GRAMD1B: variants seen among roughly 807,000 people sequenced by gnomAD.
The protein encoded by GRAMD1B is protein Aster-B.
In GRAMD1B, 37 loss-of-function variants were observed where a neutral mutation model predicts 99.7. The ratio of observed to expected loss-of-function variants is 0.37; its 90% CI spans 0.29 to 0.49. The LOEUF is 0.49. GRAMD1B is among the 20% of genes least tolerant of loss of function. The pLI is 0.98. For synonymous variants in GRAMD1B, 427 were observed against 387.6 expected, an observed-to-expected ratio of 1.10 and a Z score of -1.19; for missense variants, 888 against 1,009.2, an observed-to-expected ratio of 0.88 and a Z score of 1.63.
At chr11:123,428,927 C>T (rs1194802149), upstream of GRAMD1B, among the ~76,000 whole-genome samples, 1 of 152,188 alleles carries the variant, frequency 6.6e-6, no homozygotes, top group Non-Finnish European at 1.5e-5. Context: ...CATGGTGGCT[C>T]ATGCCTGTAA....
At chr11:123,600,606 G>T (rs929558159) in intron 8 of GRAMD1B, 58 bp downstream of exon 8, 10 of 1,069,232 alleles carry the variant, frequency 9.4e-6, no homozygotes, top group Middle Eastern at 4.0e-4. Flanking sequence ...AGAAGCCTTT[G>T]TCTCCTCAGG....
intron 17 of GRAMD1B, chr11:123,618,377 C>T: frequency 1.2e-6 from 2 of 1,609,012 alleles, no homozygotes; most frequent in Non-Finnish European, 1.7e-6. Flanking sequence ...TATGATTTCT[C>T]CTTTACCCCC....
chr11:123,548,317 TATATATATAC>T (rs1383621162), intron 2 of GRAMD1B, among the ~76,000 whole-genome samples: 3 of 96,904 alleles, frequency 3.1e-5, no homozygotes, highest in African/African-American at 5.0e-5. Context: ...TATATATATA[TATATATATAC>T]ACACACACAC....
intron 1 of GRAMD1B, among the ~76,000 whole-genome samples, chr11:123,448,590 C>A (rs1565507015): frequency 3.3e-5 from 5 of 152,224 alleles, no homozygotes; most frequent in African/African-American, 1.2e-4. Flanking sequence ...TTAATTATTC[C>A]TGTCTGAGAC....
At chr11:123,607,857 T>C (rs1029088331) in intron 11 of GRAMD1B, 3 of 152,458 alleles carry the variant, frequency 2.0e-5, no homozygotes, top group Admixed American at 2.0e-4. Flanking sequence ...AGCTCTCCTG[T>C]ATCCTCATTT....
chr11:123,433,322 G>A (rs577501847), intron 1 of GRAMD1B, among the ~76,000 whole-genome samples: 2 of 152,300 alleles, frequency 1.3e-5, no homozygotes, highest in Admixed American at 1.3e-4. Flanking sequence ...AGGTTGCAGT[G>A]AGCCAAGATC....
At chr11:123,445,579 G>T (rs1213393839) in intron 1 of GRAMD1B, among the ~76,000 whole-genome samples, 1 of 152,054 alleles carries the variant, frequency 6.6e-6, no homozygotes, top group African/African-American at 2.4e-5. Flanking sequence ...ACTTTGGGAG[G>T]CCAAGGTGGG....
At chr11:123,554,344 G>A (rs1041504898) in intron 2 of GRAMD1B, among the ~76,000 whole-genome samples, 6 of 152,008 alleles carry the variant, frequency 3.9e-5, no homozygotes, top group Non-Finnish European at 2.9e-5. Context: ...ATCAGTGAGG[G>A]TCCCATAAGA....
intron 1 of GRAMD1B, among the ~76,000 whole-genome samples, chr11:123,451,359 T>A (rs1292304421): frequency 3.3e-5 from 5 of 152,160 alleles, no homozygotes; most frequent in African/African-American, 1.2e-4. Flanking sequence ...CTTAAGGAAA[T>A]GGGGATTCTG....
chr11:123,454,069 A>G (rs910616168), intron 1 of GRAMD1B, among the ~76,000 whole-genome samples: 1 of 152,246 alleles, frequency 6.6e-6, no homozygotes, highest in Non-Finnish European at 1.5e-5. Context: ...TATCCTGGTA[A>G]TAATTTCAAT....
chr11:123,531,975 A>G lies in GRAMD1B; in HGVS notation c.453-45392A>G, dbSNP rs1233791238. On this transcript the variant is annotated intron_variant, in intron 2 of 19. Coordinates refer to ENST00000635736, the MANE Select transcript of GRAMD1B (RefSeq NM_001387025.1). ...TGGTCTCAAACTCCCAACCTCAGGT[A>G]ATCTGCCCACCTCAGCCTCCCAAAG... 7.9e-5 allele frequency among the ~76,000 whole-genome samples: 12 copies of G among 152,014 alleles called. No homozygotes were observed. The East Asian group carries it at 2.3e-3, about 29-fold the overall frequency.
chr11:123,478,470 C>G (rs1951416344), intron 1 of GRAMD1B, among the ~76,000 whole-genome samples: 1 of 152,226 alleles, frequency 6.6e-6, no homozygotes, highest in African/African-American at 2.4e-5. Flanking sequence ...GAACTGTTTT[C>G]TAAGCCATGG....
At chr11:123,579,162 G>A (rs1949060474) in intron 3 of GRAMD1B, among the ~76,000 whole-genome samples, 1 of 152,214 alleles carries the variant, frequency 6.6e-6, no homozygotes, top group South Asian at 2.1e-4. Flanking sequence ...TCTTTCCCGG[G>A]AGCCCAGGAA....
At chr11:123,543,214 A>G (rs1465483790) in intron 2 of GRAMD1B, among the ~76,000 whole-genome samples, 1 of 152,230 alleles carries the variant, frequency 6.6e-6, no homozygotes, top group African/African-American at 2.4e-5. Context: ...CCTCTCTGCC[A>G]GCCTTCACTG....
intron 1 of GRAMD1B, among the ~76,000 whole-genome samples, chr11:123,385,158 C>T (rs1947012586): frequency 6.6e-6 from 1 of 152,214 alleles, no homozygotes; most frequent in Non-Finnish European, 1.5e-5. Flanking sequence ...TATGCCAATT[C>T]TTCTGGTATT....
intron 1 of GRAMD1B, among the ~76,000 whole-genome samples, chr11:123,456,932 A>AG (rs1565513902): frequency 6.7e-6 from 1 of 149,182 alleles, no homozygotes; most frequent in Non-Finnish European, 1.5e-5. Flanking sequence ...AAAAAAAAAA[A>AG]AAAAAGAAAA....
Position 123,560,148 on chromosome 11 carries a change from G to T in GRAMD1B, c.453-17219G>T, listed in dbSNP as rs1198313188. ...GCCGGCAAGCTGACTGCACCAAAGAGTTGCATTATGTAAACCGGCAGGCGA... is the reference window on the plus strand; with the variant it reads ...GCCGGCAAGCTGACTGCACCAAAGATTTGCATTATGTAAACCGGCAGGCGA... On this transcript the variant is annotated intron_variant, in intron 2 of 19. Coordinates refer to ENST00000635736, the MANE Select transcript of GRAMD1B (RefSeq NM_001387025.1). 1.3e-5 allele frequency: 13 copies of T among 966,152 alleles called. No individual in the cohort carries two copies. In the African/African-American group the frequency reaches 1.9e-4, roughly 14 times the overall value. 59.8% of individuals were successfully genotyped at this position (966,152 alleles called of 1,614,324 possible).
At chr11:123,505,700 A>G (rs1423977081) in intron 2 of GRAMD1B, among the ~76,000 whole-genome samples, 2 of 152,154 alleles carry the variant, frequency 1.3e-5, no homozygotes, top group Non-Finnish European at 2.9e-5. Context: ...TCAGAATTCA[A>G]GCTGAAACTC....
intron 2 of GRAMD1B, among the ~76,000 whole-genome samples, chr11:123,565,222 A>G (rs374000654): frequency 5.9e-5 from 6 of 101,444 alleles, no homozygotes; most frequent in Admixed American, 4.2e-4. Flanking sequence ...TTTTTTTTTT[A>G]GGGATGAGGT....
Sources: gnomAD v4.1 joint callset for allele counts (sites outside exome capture counted in the v4.1 genomes callset) on GRCh38, gnomAD v4.1.1 for gene constraint, MANE v1.5 for transcripts, NCBI Gene and HGNC (gene_info 2026-07-23, HGNC 2026-07-21) for gene names.